Variants in SEPTIN7 observed in about 807,000 individuals in gnomAD.
SEPTIN7 encodes the protein septin-7.
Under a neutral mutation model 63.3 loss-of-function variants are expected in SEPTIN7, and 10 were observed. That is an observed-to-expected ratio of 0.16 (90% CI 0.10 to 0.27). The LOEUF (loss-of-function observed/expected upper bound fraction) is 0.27, where lower values mean the gene tolerates loss of function less well. Among genes scored for constraint, SEPTIN7 ranks in the 10% least tolerant of loss-of-function variants. SEPTIN7 has a pLI of 1.00. For synonymous variants in SEPTIN7, 131 were observed against 165.3 expected, an observed-to-expected ratio of 0.79 and a Z score of 1.59; for missense variants, 310 against 521.0, an observed-to-expected ratio of 0.59 and a Z score of 3.94.
the SEPTIN7 span, among the ~76,000 whole-genome samples, chr7:35,913,405 CTCTTTCTTTCTT>C: frequency 6.7e-6 from 1 of 149,794 alleles, no homozygotes; most frequent in Admixed American, 6.7e-5. Context: ...TTCTTTCTTT[CTCTTTCTTTCTT>C]TCTTTTTCTC....
chr7:35,818,294 A>G (rs184079946), intron 1 of SEPTIN7, among the ~76,000 whole-genome samples: 1 of 152,220 alleles, frequency 6.6e-6, no homozygotes. Context: ...TTTCATATGT[A>G]AAACCAACAT....
At chr7:35,820,067 T>G (rs1377421297) in intron 1 of SEPTIN7, among the ~76,000 whole-genome samples, 1 of 152,076 alleles carries the variant, frequency 6.6e-6, no homozygotes, top group Admixed American at 6.6e-5. Context: ...TTGACAGTCT[T>G]TTTCTTTCAA....
At chr7:35,880,453 C>A (rs1786808362) in intron 7 of SEPTIN7, among the ~76,000 whole-genome samples, 1 of 151,672 alleles carries the variant, frequency 6.6e-6, no homozygotes, top group South Asian at 2.1e-4. Flanking sequence ...CCAATCATTT[C>A]TTTGTCTTTT....
chr7:35,832,719 G>A (rs1363086786), intron 2 of SEPTIN7, 79 bp from the exon 3 acceptor site: 1 of 816,746 alleles, frequency 1.2e-6, no homozygotes, highest in Non-Finnish European at 2.2e-6. Flanking sequence ...TCTAAAATAG[G>A]TTAATGAAGG....
chr7:35,910,882 G>A (rs978332248), downstream of SEPTIN7, among the ~76,000 whole-genome samples: 2 of 152,204 alleles, frequency 1.3e-5, 1 homozygote, highest in Non-Finnish European at 2.9e-5. Context: ...ACAAAAAGTT[G>A]AGAAATAGGT....
At chr7:35,913,035 G>A in the SEPTIN7 span, among the ~76,000 whole-genome samples, 2 of 152,200 alleles carry the variant, frequency 1.3e-5, no homozygotes, top group Non-Finnish European at 2.9e-5. Context: ...ATTAGGCCAG[G>A]CATAGCCTTT....
At chr7:35,818,969 T>C (rs980629521) in intron 1 of SEPTIN7, among the ~76,000 whole-genome samples, 3 of 152,032 alleles carry the variant, frequency 2.0e-5, no homozygotes, top group Non-Finnish European at 4.4e-5. Flanking sequence ...TTATTTCTGC[T>C]TAAATAATCA....
downstream of SEPTIN7, among the ~76,000 whole-genome samples, chr7:35,907,642 C>T (rs372724090): frequency 4.2e-4 from 64 of 152,244 alleles, 1 homozygote; most frequent in African/African-American, 1.5e-3. Flanking sequence ...TTGCAAGTAC[C>T]TGGTCTGCTA....
At chr7:35,892,956 G>C (rs569358533) in intron 11 of SEPTIN7, among the ~76,000 whole-genome samples, 1 of 152,022 alleles carries the variant, frequency 6.6e-6, no homozygotes, top group African/African-American at 2.4e-5. Flanking sequence ...ATTGAATAAC[G>C]CATACTGAAC....
chr7:35,852,739 T>C (rs1350363520), intron 3 of SEPTIN7, among the ~76,000 whole-genome samples: 1 of 152,122 alleles, frequency 6.6e-6, no homozygotes, highest in East Asian at 1.9e-4. Context: ...GTCACGATAA[T>C]AGAATCATTA....
Position 35,883,226 on chromosome 7 carries a change from T to C in SEPTIN7, c.723+650T>C, listed in dbSNP as rs76584301. On this transcript the variant is annotated intron_variant, in intron 8 of 13. Coordinates refer to ENST00000350320, the MANE Select transcript of SEPTIN7 (RefSeq NM_001788.6). ...AACCAACCAAAAATTCACATCAACA[T>C]ATTTTCTGTATTTTATCATGGTTTT... 2.6e-3 allele frequency among the ~76,000 whole-genome samples: 402 copies of C among 152,220 alleles called. 2 individuals carry two copies. Among genetic ancestry groups the C allele is most frequent in the African/African-American group, 9.3e-3 (385 of 41,550 alleles).
At chr7:35,806,814 T>TA (rs1450884967) in intron 1 of SEPTIN7, among the ~76,000 whole-genome samples, 2 of 152,244 alleles carry the variant, frequency 1.3e-5, no homozygotes, top group African/African-American at 4.8e-5. Flanking sequence ...TCCCCATCCC[T>TA]ATAACTTCTT....
chr7:35,843,370 G>A lies in SEPTIN7; in HGVS notation c.169+10470G>A, dbSNP rs1045590762. On this transcript the variant is annotated intron_variant, in intron 3 of 13. Coordinates refer to ENST00000350320, the MANE Select transcript of SEPTIN7 (RefSeq NM_001788.6). ...TCTATTAGAAACTTTTCCTCATTCC[G>A]TAGGCTCTAATACCCTAATACCCTG... 1.1e-4 allele frequency among the ~76,000 whole-genome samples: 17 copies of A among 152,026 alleles called. 1 individual carries two copies. The South Asian group carries it at 2.7e-3, about 24-fold the overall frequency.
intron 6 of SEPTIN7, among the ~76,000 whole-genome samples, chr7:35,879,120 C>G (rs1378403385): frequency 2.0e-5 from 3 of 152,072 alleles, no homozygotes; most frequent in African/African-American, 7.2e-5. Context: ...ATTTAGTCAC[C>G]TTCTTGAAAG....
intron 3 of SEPTIN7, among the ~76,000 whole-genome samples, chr7:35,851,939 T>G (rs1432145756): frequency 7.2e-5 from 11 of 152,206 alleles, no homozygotes; most frequent in Admixed American, 7.2e-4. Context: ...CCCTTTAGTG[T>G]CAATAAATTG....
intron 11 of SEPTIN7, among the ~76,000 whole-genome samples, chr7:35,891,446 A>G (rs1787638923): frequency 2.0e-5 from 3 of 152,220 alleles, no homozygotes; most frequent in East Asian, 1.9e-4. Flanking sequence ...CTTGCAGGCT[A>G]TAAACCTATA....
At chr7:35,811,156 G>A (rs755432445) in intron 1 of SEPTIN7, among the ~76,000 whole-genome samples, 13 of 151,996 alleles carry the variant, frequency 8.6e-5, no homozygotes, top group South Asian at 8.3e-4. Context: ...ATCATTATTT[G>A]TGTAAGAGGA....
intron 9 of SEPTIN7, 23 bp downstream of exon 9, chr7:35,884,010 ACTTT>A (rs760789265): frequency 7.0e-7 from 1 of 1,419,178 alleles, no homozygotes; most frequent in South Asian, 1.1e-5. Context: ...TCAGTGAATG[ACTTT>A]CTAAAATATC....
intron 8 of SEPTIN7, 66 bp from the exon 9 acceptor site, chr7:35,883,824 CT>C: frequency 1.2e-6 from 1 of 855,990 alleles, no homozygotes; most frequent in South Asian, 2.3e-5. Context: ...AGTAATGTAA[CT>C]TTTTTTATTT....
Sources: allele counts gnomAD v4.1 joint callset (sites outside exome capture counted in the v4.1 genomes callset), GRCh38; gene constraint gnomAD v4.1.1; transcripts MANE v1.5; gene names NCBI Gene and HGNC (gene_info 2026-07-23, HGNC 2026-07-21).